Variants in HSCB observed in about 807,000 individuals in gnomAD.
HSCB encodes iron-sulfur cluster co-chaperone protein HscB.
Under a neutral mutation model 31.3 loss-of-function variants are expected in HSCB, and 23 were observed. That is an observed-to-expected ratio of 0.74 (90% CI 0.53 to 1.04). The LOEUF (loss-of-function observed/expected upper bound fraction) is 1.04, where lower values mean the gene tolerates loss of function less well. Ranked by LOEUF, HSCB falls within the 50% of genes least tolerant of loss-of-function variation. The pLI is 0.00. For missense variants in HSCB, 297 were observed against 288.1 expected, an observed-to-expected ratio of 1.03 and a Z score of -0.22; for synonymous variants, 110 against 104.5, an observed-to-expected ratio of 1.05 and a Z score of -0.32.
chr22:28,755,274 G>T (rs2030533428), intron 5 of HSCB, among the ~76,000 whole-genome samples: 2 of 151,766 alleles, frequency 1.3e-5, no homozygotes, highest in Admixed American at 6.6e-5. Context: ...GCCGGGCAAG[G>T]TGGCGGGCAC....
chr22:28,753,093 T>G (rs1046489309), intron 5 of HSCB, among the ~76,000 whole-genome samples: 1 of 151,750 alleles, frequency 6.6e-6, no homozygotes, highest in Non-Finnish European at 1.5e-5. Context: ...AAAAAAATTA[T>G]TTAGAGTGGA....
At chr22:28,742,683 A>T in intron 1 of HSCB, 1 of 354,276 alleles carries the variant, frequency 2.8e-6, no homozygotes, top group East Asian at 5.5e-5. Flanking sequence ...AGGAAAGGGT[A>T]CTTGAGGGGC....
At chr22:28,752,421 C>G (rs1483816479) in intron 5 of HSCB, among the ~76,000 whole-genome samples, 1 of 125,434 alleles carries the variant, frequency 8.0e-6, no homozygotes, top group Non-Finnish European at 1.6e-5. Context: ...CAGAGCAAGA[C>G]TTTGTCTCAA....
At chr22:28,747,698 C>T (rs1047171406) in intron 4 of HSCB, among the ~76,000 whole-genome samples, 1 of 152,126 alleles carries the variant, frequency 6.6e-6, no homozygotes, top group East Asian at 1.9e-4. Flanking sequence ...CAAGGTTCTC[C>T]GTTAGACTAT....
intron 5 of HSCB, among the ~76,000 whole-genome samples, chr22:28,756,178 G>T (rs2030584131): frequency 6.6e-6 from 1 of 151,852 alleles, no homozygotes; most frequent in African/African-American, 2.4e-5. Flanking sequence ...AACCCGGGAG[G>T]TGGAGGTTGC....
intron 5 of HSCB, among the ~76,000 whole-genome samples, chr22:28,755,270 C>T (rs1182731577): frequency 2.0e-5 from 3 of 151,726 alleles, no homozygotes; most frequent in Non-Finnish European, 4.4e-5. Flanking sequence ...ATTAGCCGGG[C>T]AAGGTGGCGG....
chr22:28,751,193 A>G (rs754918666), intron 4 of HSCB, 48 bp from the exon 5 acceptor site: 4 of 1,121,336 alleles, frequency 3.6e-6, no homozygotes, highest in Non-Finnish European at 4.0e-6. Flanking sequence ...TCTTCATATT[A>G]TGAGTCTATT....
intron 5 of HSCB, among the ~76,000 whole-genome samples, chr22:28,754,882 GCC>G (rs1232852641): frequency 1.3e-5 from 2 of 150,410 alleles, no homozygotes; most frequent in Non-Finnish European, 3.0e-5. Flanking sequence ...TGCAACCTCA[GCC>G]TTTCGGTTTC....
At position 28,745,954 on chromosome 22, in the gene HSCB, C is replaced by T; in HGVS notation, c.514C>T (p.Leu172Phe). ...LIEIMEINEKLAEAESEAAMK... is the reference protein window; with the variant it reads ...LIEIMEINEKFAEAESEAAMK... ...AGAAATAATGGAAATCAATGAAAAACTCGCAGAAGCTGAAAGTGAAGCTGC... is the reference window on the plus strand; with the variant it reads ...AGAAATAATGGAAATCAATGAAAAATTCGCAGAAGCTGAAAGTGAAGCTGC... Residue 172 changes from leucine to phenylalanine, a missense_variant, in exon 4 of 6, where the codon CTC becomes TTC. Coordinates refer to ENST00000216027, the MANE Select transcript of HSCB (RefSeq NM_172002.5). 2 of 1,613,736 alleles carry T rather than the reference C, an allele frequency of 1.2e-6. No homozygotes were observed. The highest frequency in any genetic ancestry group is 1.3e-5 in the African/African-American group (1 of 75,040).
At chr22:28,753,994 G>A (rs745798452) in intron 5 of HSCB, among the ~76,000 whole-genome samples, 3 of 151,338 alleles carry the variant, frequency 2.0e-5, no homozygotes, top group South Asian at 4.2e-4. Flanking sequence ...TTAGCTGGGT[G>A]TGGTGGCAGA....
chr22:28,754,830 C>CT (rs1338833114), intron 5 of HSCB, among the ~76,000 whole-genome samples: 2 of 148,552 alleles, frequency 1.3e-5, no homozygotes, highest in Non-Finnish European at 3.0e-5. Context: ...GAGTTTTGCT[C>CT]TTTCGCCCAG....
chr22:28,742,065 A>G lies in HSCB; in HGVS notation c.-31A>G, dbSNP rs1334044857. On this transcript the variant is annotated 5_prime_UTR_variant, in exon 1 of 6. Transcript: ENST00000216027. ...GACGCTCTCTTTGCTTTTCCCCACG[A>G]GTGACCACGGCTAGATAGGCCGCCG... 2.5e-6 allele frequency: 4 copies of G among 1,585,200 alleles called. No homozygotes were observed. The South Asian group carries it at 3.4e-5, about 13-fold the overall frequency.
chr22:28,746,989 A>C (rs5762768), intron 4 of HSCB, among the ~76,000 whole-genome samples: 1 of 151,760 alleles, frequency 6.6e-6, no homozygotes, highest in South Asian at 2.1e-4. Context: ...ATCTGAGCCC[A>C]GGAGGCAGAG....
At chr22:28,752,301 C>T (rs1047726172) in intron 5 of HSCB, among the ~76,000 whole-genome samples, 3 of 150,606 alleles carry the variant, frequency 2.0e-5, no homozygotes, top group African/African-American at 4.9e-5. Context: ...GGCGCAGTGG[C>T]GCGCCTGTAA....
At chr22:28,744,150 G>A (rs2054643585) in intron 2 of HSCB, among the ~76,000 whole-genome samples, 172 bp downstream of exon 2, 1 of 152,210 alleles carries the variant, frequency 6.6e-6, no homozygotes, top group South Asian at 2.1e-4. Context: ...CACAGCTTTT[G>A]TCTGACTTCC....
At position 28,751,242 on chromosome 22, in the gene HSCB, T is replaced by G. The variant is rs746024235; in HGVS notation, c.570T>G (p.Ala190=). Residue 190 remains alanine, a splice_region_variant and synonymous_variant, in exon 5 of 6, where the codon GCT becomes GCG. Coordinates refer to ENST00000216027, the MANE Select transcript of HSCB (RefSeq NM_172002.5). The part of the protein sequence containing the change: ...AMKEIESIVK[A]KQKEFTDNVS... ...TAACAGAATGGTTTTCTTTTTCAGC[T>G]AAACAGAAAGAATTTACTGACAATG... 6.3e-7 allele frequency: 1 copy of G among 1,592,060 alleles called. No individual in the cohort carries two copies.
intron 5 of HSCB, among the ~76,000 whole-genome samples, chr22:28,754,549 A>G (rs1475529269): frequency 6.6e-6 from 1 of 151,986 alleles, no homozygotes; most frequent in African/African-American, 2.4e-5. Flanking sequence ...GCATGCCTGT[A>G]ATCCCAGCTA....
At chr22:28,743,830 A>C in intron 1 of HSCB, 52 bp from the exon 2 acceptor site, 1 of 1,470,734 alleles carries the variant, frequency 6.8e-7, no homozygotes, top group Non-Finnish European at 9.5e-7. Context: ...CTCATGGTAG[A>C]TAAACCTTTA....
chr22:28,755,647 T>C (rs549837409), intron 5 of HSCB, among the ~76,000 whole-genome samples: 2 of 152,206 alleles, frequency 1.3e-5, no homozygotes, highest in African/African-American at 2.4e-5. Flanking sequence ...TGTGACTTTT[T>C]TGCTTAATAT....
Sources: gnomAD v4.1 joint callset for allele counts (sites outside exome capture counted in the v4.1 genomes callset) on GRCh38, gnomAD v4.1.1 for gene constraint, MANE v1.5 for transcripts, NCBI Gene and HGNC (gene_info 2026-07-23, HGNC 2026-07-21) for gene names.